The following VPS13B variants were observed in gnomAD, a reference collection of about 807,000 sequenced individuals.
The protein encoded by VPS13B is vacuolar protein sorting 13 homolog B.
In VPS13B, 285 loss-of-function variants were observed where a neutral mutation model predicts 426.4. That is an observed-to-expected ratio of 0.67 (90% confidence interval 0.61 to 0.74). The LOEUF (loss-of-function observed/expected upper bound fraction) is 0.74, where lower values mean the gene tolerates loss of function less well. Among genes scored for constraint, VPS13B ranks in the 30% least tolerant of loss-of-function variants. The pLI is 0.00. For missense variants in VPS13B, 4,537 were observed against 4,782.6 expected (o/e 0.95, Z 1.51); for synonymous variants, 1,676 against 1,676.4 (o/e 1.00, Z 0.01).
intron 28 of VPS13B, 48 bp from the exon 29 acceptor site, chr8:99,511,056 A>AG (rs777740202): frequency 5.0e-6 from 8 of 1,601,360 alleles, no homozygotes; most frequent in Non-Finnish European, 6.8e-6. Context: ...TTTTTAAAAA[A>AG]AATCTTTTTA....
chr8:99,479,037 A>G (rs905949149), intron 24 of VPS13B, among the ~76,000 whole-genome samples: 1 of 151,666 alleles, frequency 6.6e-6, no homozygotes, highest in Non-Finnish European at 1.5e-5. Context: ...CTTCCTCTCT[A>G]CCTTTAGTGA....
chr8:99,491,363 A>T (rs1168780651), intron 25 of VPS13B, among the ~76,000 whole-genome samples: 4 of 152,110 alleles, frequency 2.6e-5, no homozygotes, highest in Non-Finnish European at 5.9e-5. Flanking sequence ...CTCAAGGAGT[A>T]TCTTTGTGGT....
At chr8:99,750,388 T>C (rs1810333370) in intron 39 of VPS13B, among the ~76,000 whole-genome samples, 1 of 152,158 alleles carries the variant, frequency 6.6e-6, no homozygotes. Flanking sequence ...TTTATATTAC[T>C]TCCTTCCACT....
At chr8:99,585,547 G>A (rs1027803359) in intron 33 of VPS13B, among the ~76,000 whole-genome samples, 4 of 152,190 alleles carry the variant, frequency 2.6e-5, no homozygotes, top group East Asian at 1.9e-4. Flanking sequence ...ATCAATTAAC[G>A]TAAAGCACTA....
intron 29 of VPS13B, among the ~76,000 whole-genome samples, chr8:99,515,690 G>A (rs1168573043): frequency 2.6e-5 from 4 of 151,904 alleles, no homozygotes; most frequent in African/African-American, 9.7e-5. Context: ...TTGTGGCTTG[G>A]ATGTATGTAT....
intron 25 of VPS13B, among the ~76,000 whole-genome samples, chr8:99,498,247 T>A (rs865978883): frequency 5.3e-5 from 8 of 152,308 alleles, no homozygotes; most frequent in Middle Eastern, 3.4e-3. Flanking sequence ...TTGATTTTTT[T>A]AAATTACAAT....
intron 19 of VPS13B, among the ~76,000 whole-genome samples, chr8:99,357,242 CT>C (rs1445274761): frequency 6.6e-6 from 1 of 152,162 alleles, no homozygotes; most frequent in African/African-American, 2.4e-5. Context: ...AGTTCATCTC[CT>C]TTTTCACTGA....
chr8:99,568,701 C>T (rs975536349), intron 31 of VPS13B, among the ~76,000 whole-genome samples: 1 of 152,066 alleles, frequency 6.6e-6, no homozygotes, highest in Non-Finnish European at 1.5e-5. Context: ...ACATAGTTTT[C>T]CAGGTAGCAG....
At chr8:99,543,378 T>G (rs1243977123) in intron 30 of VPS13B, among the ~76,000 whole-genome samples, 1 of 151,932 alleles carries the variant, frequency 6.6e-6, no homozygotes, top group African/African-American at 2.4e-5. Flanking sequence ...AACCTAGGCA[T>G]TACCATTCAG....
intron 15 of VPS13B, 27 bp from the exon 16 acceptor site, chr8:99,170,012 C>CACTTGCATCTT: frequency 6.2e-7 from 1 of 1,611,236 alleles, no homozygotes; most frequent in South Asian, 1.1e-5. Flanking sequence ...TCTGTGTGAA[C>CACTTGCATCTT]ACTTGCATCT....
At chr8:99,618,484 T>G (rs993336530) in intron 33 of VPS13B, among the ~76,000 whole-genome samples, 5 of 152,204 alleles carry the variant, frequency 3.3e-5, no homozygotes, top group African/African-American at 1.2e-4. Flanking sequence ...ACAAAGTGGT[T>G]GTCTGCATGT....
Position 99,143,099 on chromosome 8 carries a change from A to G in VPS13B, c.1777A>G (p.Arg593Gly). Residue 593 changes from arginine to glycine, a missense_variant, in exon 13 of 62, where the codon AGG becomes GGG. Physicochemically the swap from Arg to Gly is moderately radical, Grantham distance 125 (BLOSUM62 -2). This residue lies in a region of VPS13B where 4,311 missense variants were observed against 4,474.3 expected (regional missense o/e 0.96). Coordinates refer to ENST00000357162, the MANE Select transcript of VPS13B (RefSeq NM_152564.5). The part of the protein sequence containing the change: ...DFRLDSSAVH[R>G]ILKMIVCALE... ...TCGTTTGGATAGCAGTGCGGTGCAT[A>G]GGATTTTGAAAATGATTGTGTGTGC... 6.2e-7 allele frequency: 1 copy of G among 1,614,044 alleles called. No individual in the cohort carries two copies. The highest frequency in any genetic ancestry group is 8.5e-7 in the Non-Finnish European group (1 of 1,179,954).
intron 39 of VPS13B, among the ~76,000 whole-genome samples, chr8:99,746,167 C>T (rs1419168016): frequency 6.6e-6 from 1 of 152,160 alleles, no homozygotes. Context: ...TCTATTCCCC[C>T]ATATCTTCTG....
chr8:99,260,078 AG>A (rs1817964950), intron 17 of VPS13B, among the ~76,000 whole-genome samples: 2 of 152,240 alleles, frequency 1.3e-5, no homozygotes, highest in South Asian at 4.1e-4. Context: ...GGAGGTTGGA[AG>A]TCCTTAATGG....
At chr8:99,158,068 C>G (rs1811452901) in intron 15 of VPS13B, among the ~76,000 whole-genome samples, 1 of 152,190 alleles carries the variant, frequency 6.6e-6, no homozygotes, top group Admixed American at 6.5e-5. Context: ...CAAGGTGAAA[C>G]AGCAAGTGCT....
At chr8:99,642,605 TTTCTC>T (rs1328897814) in intron 34 of VPS13B, 107 bp downstream of exon 34, 15 of 982,922 alleles carry the variant, frequency 1.5e-5, no homozygotes, top group Admixed American at 6.6e-5. Context: ...ACAAAAGTCT[TTTCTC>T]TACAGAATAT....
intron 40 of VPS13B, among the ~76,000 whole-genome samples, chr8:99,776,036 G>A (rs752123143): frequency 9.9e-5 from 15 of 152,188 alleles, no homozygotes; most frequent in Non-Finnish European, 7.3e-5. Context: ...TATGGCACCC[G>A]TTACAGTAGT....
At chr8:99,798,642 C>T (rs1812978093) in intron 43 of VPS13B, among the ~76,000 whole-genome samples, 1 of 152,084 alleles carries the variant, frequency 6.6e-6, no homozygotes, top group South Asian at 2.1e-4. Context: ...TGCAAAGCGC[C>T]CAGAGGAATG....
chr8:99,666,085 G>A (rs1393802641), intron 35 of VPS13B, among the ~76,000 whole-genome samples: 1 of 152,158 alleles, frequency 6.6e-6, no homozygotes, highest in East Asian at 1.9e-4. Context: ...AAGCAATTGT[G>A]AATGGGAGTT....
Sources: gnomAD v4.1 joint callset for allele counts (sites outside exome capture counted in the v4.1 genomes callset) on GRCh38, gnomAD v4.1.1 for gene constraint, gnomAD v4.1.1 regional missense constraint, MANE v1.5 for transcripts, NCBI Gene and HGNC (gene_info 2026-07-23, HGNC 2026-07-21) for gene names.